The following JMJD1C variants were observed in gnomAD, a reference collection of about 807,000 sequenced individuals.
JMJD1C encodes jumonji domain-containing protein 1C.
Under a neutral mutation model 245.3 loss-of-function variants are expected in JMJD1C, and 31 were observed. That is an observed-to-expected ratio of 0.13 (90% CI 0.09 to 0.17). JMJD1C has a LOEUF of 0.17. JMJD1C is among the 10% of genes least tolerant of loss of function. The pLI, the probability that JMJD1C is intolerant of heterozygous loss-of-function variation, is 1.00. For synonymous variants in JMJD1C, 1,057 were observed against 1,017.4 expected, an observed-to-expected ratio of 1.04 and a Z score of -0.74; for missense variants, 2,691 against 3,000.2, an observed-to-expected ratio of 0.90 and a Z score of 2.41.
At chr10:63,235,992 G>C (rs1850682691) in intron 3 of JMJD1C, among the ~76,000 whole-genome samples, 1 of 152,116 alleles carries the variant, frequency 6.6e-6, no homozygotes, top group African/African-American at 2.4e-5. Flanking sequence ...GGTATTCCAA[G>C]ACTAGAAATG....
chr10:63,208,130 C>A lies in JMJD1C; in HGVS notation c.3539G>T (p.Arg1180Ile). 6.2e-7 allele frequency: 1 copy of A among 1,614,138 alleles called. No individual in the cohort carries two copies. The highest frequency in any genetic ancestry group is 8.5e-7 in the Non-Finnish European group (1 of 1,179,996). The change falls in exon 10 of 26, where the codon AGA becomes ATA. Residue 1180 changes from arginine to isoleucine, a missense_variant. Physicochemically the swap from Arg to Ile is moderately conservative, Grantham distance 97. Transcript: ENST00000399262. ...QIASHSVTTF[R>I]NDCRSPTHLT... ...ATGGGTAGGACTCCTACAATCATTT[C>A]TGAAGGTTGTTACTGAGTGAGATGC...
At chr10:63,406,234 G>A (rs1226845098) in intron 1 of JMJD1C, among the ~76,000 whole-genome samples, 3 of 152,124 alleles carry the variant, frequency 2.0e-5, no homozygotes, top group Non-Finnish European at 2.9e-5. Context: ...CAAATAAGAA[G>A]ACAGAGAATA....
intron 1 of JMJD1C, among the ~76,000 whole-genome samples, chr10:63,461,660 G>C (rs1228853503): frequency 6.6e-6 from 1 of 152,060 alleles, no homozygotes; most frequent in Non-Finnish European, 1.5e-5. Flanking sequence ...AAATTTATGG[G>C]TTTGGCCTTT....
At chr10:63,330,772 T>C (rs1942058091) in intron 2 of JMJD1C, among the ~76,000 whole-genome samples, 1 of 152,196 alleles carries the variant, frequency 6.6e-6, no homozygotes, top group Admixed American at 6.5e-5. Context: ...CATTTCTTCT[T>C]TAACAGTCCT....
At chr10:63,473,326 A>C (rs983721682) in intron 1 of JMJD1C, among the ~76,000 whole-genome samples, 3 of 151,890 alleles carry the variant, frequency 2.0e-5, no homozygotes, top group Non-Finnish European at 4.4e-5. Flanking sequence ...GCTCACTGCA[A>C]CCTCTGCCTC....
At chr10:63,283,713 T>G (rs569892693) in intron 2 of JMJD1C, among the ~76,000 whole-genome samples, 4 of 152,284 alleles carry the variant, frequency 2.6e-5, no homozygotes, top group Admixed American at 6.5e-5. Context: ...TCAGGAATTC[T>G]CAGAATCATT....
intron 3 of JMJD1C, among the ~76,000 whole-genome samples, chr10:63,245,147 A>G (rs1248760298): frequency 6.6e-6 from 1 of 150,758 alleles, no homozygotes; most frequent in East Asian, 1.9e-4. Flanking sequence ...AAAAAAAAAA[A>G]AAAAAAAAAA....
At chr10:63,182,314 G>A (rs999032604) in intron 22 of JMJD1C, among the ~76,000 whole-genome samples, 1 of 152,206 alleles carries the variant, frequency 6.6e-6, no homozygotes, top group Non-Finnish European at 1.5e-5. Flanking sequence ...TATTCAAAGA[G>A]GTTGTGATTA....
At chr10:63,517,082 C>T (rs961892630) in intron 1 of JMJD1C, among the ~76,000 whole-genome samples, 4 of 152,192 alleles carry the variant, frequency 2.6e-5, no homozygotes, top group African/African-American at 9.6e-5. Flanking sequence ...TTTAGCCTTT[C>T]TCCAAATAAA....
At chr10:63,212,000 GA>G (rs1847420890) in intron 8 of JMJD1C, among the ~76,000 whole-genome samples, 1 of 50,614 alleles carries the variant, frequency 2.0e-5, no homozygotes, top group Non-Finnish European at 5.6e-5. Flanking sequence ...CCTTAAATAA[GA>G]AGAAGATCAT....
intron 1 of JMJD1C, among the ~76,000 whole-genome samples, chr10:63,382,010 G>C (rs1255827211): frequency 1.3e-5 from 2 of 152,074 alleles, no homozygotes; most frequent in African/African-American, 4.8e-5. Context: ...TCAGGAGTTC[G>C]AGACCATCCT....
At chr10:63,314,211 T>C (rs12354552) in intron 2 of JMJD1C, among the ~76,000 whole-genome samples, 11,904 of 152,266 alleles carry the variant, frequency 0.078, 705 homozygotes, top group East Asian at 0.29. Context: ...GTTTGTTTTG[T>C]TGAGGATCAG....
At chr10:63,185,679 A>G in intron 19 of JMJD1C, 26 bp from the exon 20 acceptor site, 1 of 1,286,836 alleles carries the variant, frequency 7.8e-7, no homozygotes. Flanking sequence ...TTAATTACTA[A>G]AAGGGTAATT....
At chr10:63,514,525 G>C (rs1329676194) in intron 1 of JMJD1C, among the ~76,000 whole-genome samples, 1 of 152,098 alleles carries the variant, frequency 6.6e-6, no homozygotes, top group Non-Finnish European at 1.5e-5. Flanking sequence ...ATTAAGGTAG[G>C]AACAGAAAAC....
At chr10:63,343,942 G>A (rs892381529) in intron 2 of JMJD1C, among the ~76,000 whole-genome samples, 1 of 152,104 alleles carries the variant, frequency 6.6e-6, no homozygotes, top group Non-Finnish European at 1.5e-5. Flanking sequence ...GGAGGCTGAG[G>A]TGGGAGGATC....
In JMJD1C at chr10:63,215,401, C is replaced by A; in HGVS notation, c.877G>T (p.Ala293Ser). ...TGTGTATTCTGTTTTGGTACAGCAG[C>A]TTGGGAGTTCATTGCTGGTCTGGGA... ...NSPRPAMNSQAAVPKQNTHQQ... is the reference protein window; with the variant it reads ...NSPRPAMNSQSAVPKQNTHQQ... The change falls in exon 7 of 26, where the codon GCT becomes TCT. Residue 293 changes from alanine to serine, a missense_variant. By Grantham distance (99) the Ala-to-Ser change is moderately conservative. This residue lies in a region of JMJD1C where 1,562 missense variants were observed against 1,490.7 expected (regional missense o/e 1.05). Transcript: ENST00000399262. The A allele has an allele frequency of 6.2e-7, 1 of 1,614,070 alleles. No homozygotes were observed. The highest frequency in any genetic ancestry group is 1.1e-5 in the South Asian group (1 of 91,074).
chr10:63,237,551 T>C (rs9414779), intron 3 of JMJD1C, among the ~76,000 whole-genome samples: 2,257 of 152,312 alleles, frequency 0.015, 48 homozygotes, highest in African/African-American at 0.052. Flanking sequence ...CAAGACTTGC[T>C]AGACTTGCCC....
intron 2 of JMJD1C, among the ~76,000 whole-genome samples, chr10:63,357,764 GAAATT>G (rs1387394089): frequency 2.6e-5 from 4 of 151,340 alleles, no homozygotes; most frequent in Non-Finnish European, 4.4e-5. Context: ...TTGAATGAAT[GAAATT>G]ATCTCCCAAC....
chr10:63,477,843 T>G (rs1564959889), intron 1 of JMJD1C, among the ~76,000 whole-genome samples: 1 of 152,126 alleles, frequency 6.6e-6, no homozygotes, highest in East Asian at 1.9e-4. Flanking sequence ...TGATAGAGGA[T>G]TAATATCTAG....
Sources: allele counts gnomAD v4.1 joint callset (sites outside exome capture counted in the v4.1 genomes callset), GRCh38; gene constraint gnomAD v4.1.1; regional missense constraint gnomAD v4.1.1; transcripts MANE v1.5; gene names NCBI Gene and HGNC (gene_info 2026-07-23, HGNC 2026-07-21).